The following EYS variants were observed in gnomAD, a reference collection of about 807,000 sequenced individuals.
EYS encodes EGF-like photoreceptor maintenance factor.
Under a neutral mutation model 282.1 loss-of-function variants are expected in EYS, and 250 were observed. The observed-to-expected ratio is 0.89, with a 90% CI of 0.80 to 0.98. The LOEUF is 0.98. Among genes scored for constraint, EYS ranks in the 50% least tolerant of loss-of-function variants. EYS has a pLI of 0.00. For synonymous variants in EYS, 1,355 were observed against 1,282.9 expected, an observed-to-expected ratio of 1.06 and a Z score of -1.20; for missense variants, 4,016 against 3,709.0, an observed-to-expected ratio of 1.08 and a Z score of -2.15.
In EYS at chr6:65,320,517, C is replaced by G. The variant is rs555368733; in HGVS notation, c.1766+14463G>C. Among the ~76,000 whole-genome samples, 178 of 152,246 alleles carry G rather than the reference C, an allele frequency of 1.2e-3. 2 individuals carry two copies. Among genetic ancestry groups the G allele is most frequent in the African/African-American group, 4.0e-3 (167 of 41,552 alleles). On this transcript the variant is annotated intron_variant, in intron 11 of 42. Transcript: ENST00000503581. Reference sequence around the variant, plus strand: ...TTAACTTCCCCTATTGTAGATTTCACTGGGAAGAGATGCCTCTTGGTACAG... The same window carrying G: ...TTAACTTCCCCTATTGTAGATTTCAGTGGGAAGAGATGCCTCTTGGTACAG...
chr6:65,458,641 T>C (rs1326380590), intron 5 of EYS, among the ~76,000 whole-genome samples: 1 of 152,150 alleles, frequency 6.6e-6, no homozygotes, highest in Non-Finnish European at 1.5e-5. Context: ...GTTTCTGTTG[T>C]TAAGTTCAGG....
chr6:64,916,368 A>T (rs1020935571), intron 15 of EYS, among the ~76,000 whole-genome samples: 1 of 152,192 alleles, frequency 6.6e-6, no homozygotes, highest in African/African-American at 2.4e-5. Flanking sequence ...TCCAATCCTC[A>T]GGAAAGAATG....
chr6:64,697,280 C>A (rs577521789), intron 22 of EYS, among the ~76,000 whole-genome samples: 37 of 151,946 alleles, frequency 2.4e-4, no homozygotes, highest in African/African-American at 8.4e-4. Context: ...GACTTAAAAT[C>A]AAAAACAGTA....
intron 12 of EYS, among the ~76,000 whole-genome samples, chr6:65,285,788 T>C (rs537825324): frequency 2.0e-5 from 3 of 152,080 alleles, no homozygotes; most frequent in African/African-American, 7.2e-5. Context: ...AGAGCTAACC[T>C]GGTATCTGTT....
At chr6:63,928,919 A>T (rs1764805761) in intron 35 of EYS, among the ~76,000 whole-genome samples, 1 of 152,164 alleles carries the variant, frequency 6.6e-6, no homozygotes, top group Non-Finnish European at 1.5e-5. Flanking sequence ...TTAAACGAAG[A>T]GTTTCTGTTG....
intron 14 of EYS, among the ~76,000 whole-genome samples, chr6:64,974,961 A>G (rs1357413296): frequency 2.0e-5 from 3 of 151,820 alleles, no homozygotes; most frequent in Admixed American, 1.3e-4. Context: ...ATACAAGAGT[A>G]AAAAATGACA....
intron 13 of EYS, among the ~76,000 whole-genome samples, chr6:65,039,447 T>A (rs1375338379): frequency 2.0e-5 from 3 of 151,500 alleles, no homozygotes; most frequent in Non-Finnish European, 4.4e-5. Context: ...TTGTATTTAA[T>A]AGACTTATTG....
intron 22 of EYS, among the ~76,000 whole-genome samples, chr6:64,705,389 A>G (rs1216685479): frequency 1.3e-5 from 2 of 152,184 alleles, no homozygotes; most frequent in Non-Finnish European, 2.9e-5. Context: ...TATTGTGAAA[A>G]TGACCATACT....
intron 22 of EYS, among the ~76,000 whole-genome samples, chr6:64,680,166 C>A (rs1358537807): frequency 6.6e-6 from 1 of 151,860 alleles, no homozygotes. Context: ...ATTTGTATGC[C>A]AAAAGTGAGT....
At chr6:64,474,067 T>C (rs1776197030) in intron 26 of EYS, among the ~76,000 whole-genome samples, 1 of 152,176 alleles carries the variant, frequency 6.6e-6, no homozygotes, top group Non-Finnish European at 1.5e-5. Flanking sequence ...AAAGGCCCTC[T>C]TCTTTGATCA....
chr6:65,222,489 C>T (rs1055235062), intron 12 of EYS, among the ~76,000 whole-genome samples: 4 of 152,126 alleles, frequency 2.6e-5, no homozygotes, highest in Non-Finnish European at 5.9e-5. Flanking sequence ...GTGAGGCCTC[C>T]CAGCATGTGG....
At chr6:64,209,146 C>T (rs1765691457) in intron 31 of EYS, among the ~76,000 whole-genome samples, 2 of 152,100 alleles carry the variant, frequency 1.3e-5, no homozygotes, top group African/African-American at 4.8e-5. Context: ...TATCAATTTT[C>T]ACTTTAAAAG....
chr6:65,519,126 A>G (rs981692578), intron 2 of EYS, among the ~76,000 whole-genome samples: 5 of 152,150 alleles, frequency 3.3e-5, no homozygotes, highest in African/African-American at 1.2e-4. Flanking sequence ...GTTGTTTTAC[A>G]ATTTGGTAAA....
intron 30 of EYS, among the ~76,000 whole-genome samples, chr6:64,248,678 T>C (rs1767100500): frequency 6.6e-6 from 1 of 152,130 alleles, no homozygotes; most frequent in South Asian, 2.1e-4. Flanking sequence ...TATAGAGATT[T>C]CTCAAAGAGC....
intron 41 of EYS, among the ~76,000 whole-genome samples, chr6:63,740,081 A>G (rs1769034789): frequency 6.6e-6 from 1 of 152,152 alleles, no homozygotes; most frequent in Non-Finnish European, 1.5e-5. Context: ...TTCCAAAAAG[A>G]TAATGTGTAT....
intron 5 of EYS, among the ~76,000 whole-genome samples, chr6:65,415,264 T>C (rs1030698196): frequency 1.3e-5 from 2 of 152,028 alleles, no homozygotes; most frequent in Non-Finnish European, 2.9e-5. Context: ...CCTTAACCAG[T>C]AGAATCAAGA....
intron 26 of EYS, among the ~76,000 whole-genome samples, chr6:64,487,529 A>C (rs911411448): frequency 3.3e-5 from 5 of 151,016 alleles, no homozygotes; most frequent in Non-Finnish European, 7.4e-5. Context: ...CTTATGTCCT[A>C]ACAAAATTAT....
intron 33 of EYS, among the ~76,000 whole-genome samples, chr6:64,007,874 T>C (rs963166218): frequency 1.3e-5 from 2 of 152,228 alleles, no homozygotes; most frequent in African/African-American, 4.8e-5. Context: ...GTTTTGGTTG[T>C]TTAAATTTGC....
chr6:64,026,744 C>A (rs1375239379), intron 33 of EYS, among the ~76,000 whole-genome samples: 1 of 152,164 alleles, frequency 6.6e-6, no homozygotes, highest in East Asian at 1.9e-4. Context: ...CTAATCTCCC[C>A]TGCCCAGAAG....
Sources: allele counts gnomAD v4.1 joint callset (sites outside exome capture counted in the v4.1 genomes callset), GRCh38; gene constraint gnomAD v4.1.1; transcripts MANE v1.5; gene names NCBI Gene and HGNC (gene_info 2026-07-23, HGNC 2026-07-21).